The following SCRN3 variants were observed in gnomAD, a reference collection of about 807,000 sequenced individuals.
SCRN3 encodes the protein secernin-3.
In SCRN3, 39 loss-of-function variants were observed where a neutral mutation model predicts 43.1. That is an observed-to-expected ratio of 0.91 (90% CI 0.70 to 1.18). The LOEUF (loss-of-function observed/expected upper bound fraction) is 1.18, where lower values mean the gene tolerates loss of function less well. Ranked by LOEUF, SCRN3 falls within the 50% of genes most tolerant of loss-of-function variation. The pLI, the probability that SCRN3 is intolerant of heterozygous loss-of-function variation, is 0.00. For synonymous variants in SCRN3, 147 were observed against 163.1 expected (o/e 0.90, Z 0.75); for missense variants, 484 against 498.0 (o/e 0.97, Z 0.27).
chr2:174,400,063 G>T lies in SCRN3; in HGVS notation c.301G>T (p.Val101Phe), dbSNP rs763574341. 1 of 1,595,238 alleles carries T rather than the reference G, an allele frequency of 6.3e-7. No individual in the cohort carries two copies. The highest frequency in any genetic ancestry group is 1.8e-5 in the Admixed American group (1 of 55,934). The change falls in exon 3 of 8, where the codon GTT becomes TTT. Residue 101 changes from valine to phenylalanine, a missense_variant. Val to Phe is a conservative substitution (Grantham distance 50). Coordinates refer to ENST00000272732, the MANE Select transcript of SCRN3 (RefSeq NM_024583.5). The stretch of plus-strand genomic sequence containing the variant: ...TGAAGCTGTATGGGGAAGAGAAGAA[G>T]TTTGTGATGAAGAAGCACTATTAGG... ...GNEAVWGREEVCDEEALLGMD... is the reference protein window; with the variant it reads ...GNEAVWGREEFCDEEALLGMD...
chr2:174,408,579 T>C (rs1197304111), intron 5 of SCRN3, among the ~76,000 whole-genome samples: 13 of 147,882 alleles, frequency 8.8e-5, no homozygotes, highest in Non-Finnish European at 1.8e-4. Flanking sequence ...TTTGGCATGA[T>C]TTTGCAGCGG....
Position 174,422,943 on chromosome 2 carries a change from T to C in SCRN3, c.813T>C (p.Asn271=), listed in dbSNP as rs1244644109. 3.1e-6 allele frequency: 5 copies of C among 1,612,036 alleles called. No individual in the cohort carries two copies. The Admixed American group carries it at 6.7e-5, about 21-fold the overall frequency. The part of the protein sequence containing the change: ...EILRDKPSGI[N]MEGEFLTTAS... ...TTCGAGATAAACCAAGTGGCATTAA[T>C]ATGGAGGGAGAATTCCTGACCACTG... The change falls in exon 6 of 8, where the codon AAT becomes AAC. Residue 271 remains asparagine (N), a synonymous_variant. Transcript: ENST00000272732.
rs368768071 is a variant in SCRN3, at chr2:174,409,747, A to G, written c.754+5432A>G. On this transcript the variant is annotated intron_variant, in intron 5 of 7. Coordinates refer to ENST00000272732, the MANE Select transcript of SCRN3 (RefSeq NM_024583.5). Reference sequence around the variant, plus strand: ...GAGGTGTCAGTGTGCCCCTGCTGGGAGGTGCCTCCCAGTTAGGCTGCTCGG... The same window carrying G: ...GAGGTGTCAGTGTGCCCCTGCTGGGGGGTGCCTCCCAGTTAGGCTGCTCGG... 7.2e-3 allele frequency among the ~76,000 whole-genome samples: 1,023 copies of G among 142,530 alleles called. 9 individuals carry two copies. The highest frequency in any genetic ancestry group is 0.023 in the African/African-American group (917 of 39,420). The allele number at this position is 142,530 out of a possible 152,430, so 93.5% of individuals were successfully genotyped here.
intron 5 of SCRN3, among the ~76,000 whole-genome samples, chr2:174,415,546 A>G (rs183771095): frequency 6.6e-6 from 1 of 152,300 alleles, no homozygotes; most frequent in East Asian, 1.9e-4. Context: ...AGTAAGCTTT[A>G]TTTAGATTAC....
intron 5 of SCRN3, among the ~76,000 whole-genome samples, chr2:174,407,143 T>C (rs1169819554): frequency 1.5e-5 from 1 of 67,160 alleles, no homozygotes; most frequent in East Asian, 3.2e-4. Flanking sequence ...CAGCTCCTGT[T>C]ATTGGTCTAT....
intron 1 of SCRN3, chr2:174,396,351 G>A (rs1685309758): frequency 2.0e-6 from 2 of 985,202 alleles, no homozygotes; most frequent in Non-Finnish European, 2.4e-6. Context: ...TAACCAGGGG[G>A]CAAGTTTCCT....
In SCRN3 at chr2:174,400,943, AT is replaced by A. The variant is rs575638489; in HGVS notation, c.342-46del. 9,794 of 1,407,906 alleles carry A rather than the reference AT, an allele frequency of 7.0e-3. 53 individuals are homozygous for A. Among genetic ancestry groups the A allele is most frequent in the Non-Finnish European group, 7.8e-3 (8,175 of 1,048,482 alleles). 87.2% of individuals were successfully genotyped at this position (1,407,906 alleles called of 1,614,324 possible). A position where few individuals can be genotyped will look rare whatever the true frequency, so the allele number is the denominator to read the frequency against. ...ATGAGCATGAAATTATTTAAAAAAAATAATGGAAATTTATTTTAATATGAGA... is the reference window on the plus strand; with the variant it reads ...ATGAGCATGAAATTATTTAAAAAAAAAATGGAAATTTATTTTAATATGAGA... On this transcript the variant is annotated intron_variant, in intron 3 of 7. Coordinates refer to ENST00000272732, the MANE Select transcript of SCRN3 (RefSeq NM_024583.5).
At chr2:174,395,979 T>C in intron 1 of SCRN3, 162 bp downstream of exon 1, 1 of 1,385,386 alleles carries the variant, frequency 7.2e-7, no homozygotes, top group Non-Finnish European at 9.3e-7. Flanking sequence ...GCGGCGGCCC[T>C]TCGACCAAAG....
In SCRN3 at chr2:174,398,440, A is replaced by C. The variant is rs766698124; in HGVS notation, c.157A>C (p.Lys53Gln). Reference protein sequence around the residue: ...VVHDNLGERLKCTYIEIDQVP... With the variant: ...VVHDNLGERLQCTYIEIDQVP... ...TCATGATAACCTGGGAGAACGTCTT[A>C]AGGTAGGTGAAATAAATGTTTTGTT... The change falls in exon 2 of 8, where the codon AAG (lysine) becomes CAG (glutamine). Residue 53 changes from lysine to glutamine, a missense_variant and splice_region_variant. Physicochemically the swap from Lys to Gln is moderately conservative, Grantham distance 53. Transcript: ENST00000272732. 4 of 1,588,578 alleles carry C rather than the reference A, an allele frequency of 2.5e-6. No individual in the cohort carries two copies. In the African/African-American group the frequency reaches 5.5e-5, roughly 22 times the overall value.
At chr2:174,423,073 A>G (rs1686351911) in intron 6 of SCRN3, 26 bp downstream of exon 6, 4 of 1,596,560 alleles carry the variant, frequency 2.5e-6, no homozygotes, top group South Asian at 1.1e-5. Context: ...ACTATAAACC[A>G]GCAAGGGGTC....
chr2:174,398,180 A>G, intron 1 of SCRN3, 95 bp from the exon 2 acceptor site: 1 of 700,614 alleles, frequency 1.4e-6, no homozygotes, highest in Non-Finnish European at 2.2e-6. Context: ...TTAATTAGAT[A>G]TGGCAATAAT....
Position 174,427,743 on chromosome 2 carries a change from AG to A in SCRN3, c.1125del (p.Lys376AsnfsTer56). 2 of 1,605,754 alleles carry A rather than the reference AG, an allele frequency of 1.2e-6. No individual in the cohort carries two copies. The highest frequency in any genetic ancestry group is 1.7e-6 in the Non-Finnish European group (2 of 1,176,172). On this transcript the variant is annotated frameshift_variant, in exon 8 of 8. Coordinates refer to ENST00000272732, the MANE Select transcript of SCRN3 (RefSeq NM_024583.5). LOFTEE classifies it high-confidence loss of function. ...EKAKIMLDNM[R>X]KLEKELFREM... ...AGCCAAAATAATGTTGGACAACATGAGGAAACTGGAGAAAGAACTATTCAGA... is the reference window on the plus strand; with the variant it reads ...AGCCAAAATAATGTTGGACAACATGAGAAACTGGAGAAAGAACTATTCAGA...
At chr2:174,418,449 A>G (rs1686189767) in intron 5 of SCRN3, among the ~76,000 whole-genome samples, 1 of 152,210 alleles carries the variant, frequency 6.6e-6, no homozygotes, top group Non-Finnish European at 1.5e-5. Flanking sequence ...ATTCACTCAT[A>G]TATTTTAAAT....
At chr2:174,423,777 CTT>C (rs67646903) in intron 6 of SCRN3, among the ~76,000 whole-genome samples, 12,310 of 94,352 alleles carry the variant, frequency 0.13, 739 homozygotes, top group Middle Eastern at 0.21. Flanking sequence ...CCAAGTCTTC[CTT>C]TTTTTTTTTT....
intron 5 of SCRN3, among the ~76,000 whole-genome samples, chr2:174,415,247 A>G (rs1686063191): frequency 6.8e-6 from 1 of 146,152 alleles, no homozygotes; most frequent in Non-Finnish European, 1.6e-5. Flanking sequence ...ATGCTTATCA[A>G]TAGAGGATTT....
At chr2:174,411,998 C>T (rs1685935326) in intron 5 of SCRN3, among the ~76,000 whole-genome samples, 1 of 152,014 alleles carries the variant, frequency 6.6e-6, no homozygotes, top group East Asian at 1.9e-4. Flanking sequence ...GTTCTCGTTG[C>T]GGGTAAGATG....
At chr2:174,395,960 G>C (rs1685290774) in intron 1 of SCRN3, 143 bp downstream of exon 1, 1 of 1,395,268 alleles carries the variant, frequency 7.2e-7, no homozygotes, top group South Asian at 1.7e-5. Context: ...CCGGGGTGCG[G>C]GGTGGACCGC....
intron 5 of SCRN3, among the ~76,000 whole-genome samples, chr2:174,411,140 TGA>T (rs1415364018): frequency 6.6e-6 from 1 of 152,150 alleles, no homozygotes; most frequent in Non-Finnish European, 1.5e-5. Context: ...CAGTTTCTTG[TGA>T]GAGATTGAAC....
chr2:174,406,586 G>A (rs1444397038), intron 5 of SCRN3, among the ~76,000 whole-genome samples: 1 of 150,686 alleles, frequency 6.6e-6, no homozygotes, highest in East Asian at 1.9e-4. Context: ...TATGATATTG[G>A]CTGTGGGTTT....
Sources: gnomAD v4.1 joint callset for allele counts (sites outside exome capture counted in the v4.1 genomes callset) on GRCh38, gnomAD v4.1.1 for gene constraint, MANE v1.5 for transcripts, NCBI Gene and HGNC (gene_info 2026-07-23, HGNC 2026-07-21) for gene names.